HSPH1: variants seen among roughly 807,000 people sequenced by gnomAD.
The protein encoded by HSPH1 is heat shock protein family H (Hsp110) member 1.
Under a neutral mutation model 100.0 loss-of-function variants are expected in HSPH1, and 40 were observed. The ratio of observed to expected loss-of-function variants is 0.40; its 90% CI spans 0.31 to 0.52. The LOEUF is 0.52. Ranked by LOEUF, HSPH1 falls within the 20% of genes least tolerant of loss-of-function variation. The pLI, the probability that HSPH1 is intolerant of heterozygous loss-of-function variation, is 0.54. For missense variants in HSPH1, 876 were observed against 1,015.1 expected (o/e 0.86, Z 1.86); for synonymous variants, 403 against 344.0 (o/e 1.17, Z -1.90).
intron 3 of HSPH1, 100 bp from the exon 4 acceptor site, chr13:31,154,855 CTTTAT>C (rs1212568524): frequency 3.0e-5 from 30 of 996,216 alleles, no homozygotes; most frequent in South Asian, 1.8e-4. Context: ...TCCACAAAAT[CTTTAT>C]TTTATTGTTG....
chr13:31,162,206 C>A, upstream of HSPH1: 3 of 948,190 alleles, frequency 3.2e-6, no homozygotes, highest in Non-Finnish European at 4.8e-6. Flanking sequence ...AGAATGACTC[C>A]AAAACTCGGA....
Position 31,154,629 on chromosome 13 carries a change from T to G in HSPH1, c.429+4A>C. 6.2e-7 allele frequency: 1 copy of G among 1,614,056 alleles called. No individual in the cohort carries two copies. The stretch of plus-strand genomic sequence containing the variant: ...AACACACTGCCTTGCTGAATTATAC[T>G]TACTGAAATAACACAATCTGTTACT... On this transcript the variant is annotated splice_donor_region_variant and intron_variant, in intron 4 of 17. Transcript: ENST00000320027.
intron 1 of HSPH1, among the ~76,000 whole-genome samples, chr13:31,161,142 G>C (rs1346102097): frequency 6.6e-6 from 1 of 152,232 alleles, no homozygotes; most frequent in Non-Finnish European, 1.5e-5. Context: ...CAAGAAAAGG[G>C]AGCGAAGTTG....
intron 10 of HSPH1, among the ~76,000 whole-genome samples, 163 bp from the exon 11 acceptor site, chr13:31,145,931 G>A (rs1174815377): frequency 6.6e-6 from 1 of 151,936 alleles, no homozygotes; most frequent in Non-Finnish European, 1.5e-5. Context: ...GCCTGGGCAA[G>A]ATAGTGAGAT....
chr13:31,156,006 CCT>C (rs1306761029), intron 2 of HSPH1, among the ~76,000 whole-genome samples: 9 of 152,158 alleles, frequency 5.9e-5, no homozygotes, highest in Non-Finnish European at 1.3e-4. Flanking sequence ...CTGTTTCATT[CCT>C]TTTTTTCCCT....
At chr13:31,154,104 G>C in intron 4 of HSPH1, 1 of 175,708 alleles carries the variant, frequency 5.7e-6, no homozygotes, top group Admixed American at 5.7e-5. Context: ...AAGACACCTG[G>C]GTGAGCAGAA....
At chr13:31,155,825 T>C (rs1956667061) in intron 2 of HSPH1, among the ~76,000 whole-genome samples, 171 bp from the exon 3 acceptor site, 1 of 152,216 alleles carries the variant, frequency 6.6e-6, no homozygotes, top group Admixed American at 6.5e-5. Flanking sequence ...ACAGATTTTA[T>C]TTATACTTTT....
chr13:31,158,548 C>CAAAAAAA (rs11363658), intron 2 of HSPH1, among the ~76,000 whole-genome samples: 4 of 63,830 alleles, frequency 6.3e-5, no homozygotes, highest in South Asian at 6.8e-4. Flanking sequence ...GACTCTATCT[C>CAAAAAAA]AAAAAAAAAA....
Position 31,150,057 on chromosome 13 carries a change from G to A in HSPH1, c.1034C>T (p.Thr345Ile). ...TCTTTCCTTCACAGCTGGAATTCGTGTAGCGCCTCCAACAATCTCAACTGC... is the reference window on the plus strand; with the variant it reads ...TCTTTCCTTCACAGCTGGAATTCGTATAGCGCCTCCAACAATCTCAACTGC... ...VSAVEIVGGATRIPAVKERIA... is the reference protein window; with the variant it reads ...VSAVEIVGGAIRIPAVKERIA... Residue 345 changes from threonine to isoleucine, a missense_variant, in exon 8 of 18, where the codon ACA (threonine) becomes ATA (isoleucine). Coordinates refer to ENST00000320027, the MANE Select transcript of HSPH1 (RefSeq NM_006644.4). 1 of 1,613,850 alleles carries A rather than the reference G, an allele frequency of 6.2e-7. No homozygotes were observed. Among genetic ancestry groups the A allele is most frequent in the Non-Finnish European group, 8.5e-7 (1 of 1,179,810 alleles).
chr13:31,157,157 G>T (rs558958026), intron 2 of HSPH1, among the ~76,000 whole-genome samples: 2 of 152,282 alleles, frequency 1.3e-5, no homozygotes, highest in African/African-American at 4.8e-5. Flanking sequence ...TTCCTTATGT[G>T]TCTAAAACTG....
At chr13:31,162,105 G>A (rs1441182363), upstream of HSPH1, 28 of 1,535,526 alleles carry the variant, frequency 1.8e-5, no homozygotes, top group African/African-American at 2.7e-5. Flanking sequence ...GGCAGCGACA[G>A]GGCCGCTCCC....
intron 2 of HSPH1, among the ~76,000 whole-genome samples, chr13:31,157,729 A>C (rs982870993): frequency 2.6e-5 from 4 of 152,264 alleles, no homozygotes; most frequent in Non-Finnish European, 5.9e-5. Context: ...CTCCACCTCC[A>C]AGGGGTCTGT....
chr13:31,152,686 C>T (rs986828086), intron 5 of HSPH1, 166 bp downstream of exon 5: 2 of 489,094 alleles, frequency 4.1e-6, no homozygotes, highest in Admixed American at 6.0e-5. Context: ...TGATAAAATA[C>T]CAATTTCTCA....
chr13:31,142,919 G>A (rs1388149856), intron 12 of HSPH1, among the ~76,000 whole-genome samples: 1 of 152,044 alleles, frequency 6.6e-6, no homozygotes, highest in Non-Finnish European at 1.5e-5. Context: ...GCAGCTTTCA[G>A]AAATCAGAGT....
rs757546592 is a variant in HSPH1, at chr13:31,147,967, G to A, written c.1370C>T (p.Ala457Val). Reference protein sequence around the residue: ...SDPQGVPYPEAKIGRFVVQNV... With the variant: ...SDPQGVPYPEVKIGRFVVQNV... ...CACAATGAACTCCTTACCTATTTTT[G>A]CTTCTGGATATGGAACTCCTTGGGG... Residue 457 changes from alanine (A) to valine (V), a missense_variant, in exon 10 of 18, where the codon GCA (alanine) becomes GTA (valine). Coordinates refer to ENST00000320027, the MANE Select transcript of HSPH1 (RefSeq NM_006644.4). The A allele has an allele frequency of 1.3e-6, 2 of 1,582,248 alleles. No homozygotes were observed. The highest frequency in any genetic ancestry group is 1.7e-6 in the Non-Finnish European group (2 of 1,171,308).
At chr13:31,147,883 C>T (rs1956324858) in intron 10 of HSPH1, 76 bp downstream of exon 10, 6 of 1,300,644 alleles carry the variant, frequency 4.6e-6, no homozygotes, top group East Asian at 5.0e-5. Context: ...AATAAGACAA[C>T]TTTTAAAGTT....
At chr13:31,162,000 C>G, upstream of HSPH1, 1 of 1,536,180 alleles carries the variant, frequency 6.5e-7, no homozygotes. Flanking sequence ...CCACCGGCCC[C>G]TCCACGTGCC....
At chr13:31,141,774 C>CAT (rs142222567) in intron 12 of HSPH1, among the ~76,000 whole-genome samples, 7 of 144,674 alleles carry the variant, frequency 4.8e-5, no homozygotes, top group African/African-American at 1.0e-4. Flanking sequence ...ACTTGGAGTA[C>CAT]ATATATATAT....
intron 4 of HSPH1, among the ~76,000 whole-genome samples, chr13:31,153,383 C>T (rs1956557248): frequency 1.3e-5 from 2 of 152,160 alleles, no homozygotes; most frequent in African/African-American, 4.8e-5. Context: ...ACTACAGGAA[C>T]TTAAAGAGCT....
Sources: allele counts gnomAD v4.1 joint callset (sites outside exome capture counted in the v4.1 genomes callset), GRCh38; gene constraint gnomAD v4.1.1; transcripts MANE v1.5; gene names NCBI Gene and HGNC (gene_info 2026-07-23, HGNC 2026-07-21).